VKORC1L1: variants seen among roughly 807,000 people sequenced by gnomAD.
The protein encoded by VKORC1L1 is vitamin K epoxide reductase complex subunit 1L1.
Under a neutral mutation model 18.9 loss-of-function variants are expected in VKORC1L1, and 2 were observed. That is an observed-to-expected ratio of 0.11 (90% confidence interval 0.04 to 0.33). The LOEUF (loss-of-function observed/expected upper bound fraction) is 0.33, where lower values mean the gene tolerates loss of function less well. VKORC1L1 is among the 10% of genes least tolerant of loss of function. The pLI is 1.00. For missense variants in VKORC1L1, 123 were observed against 224.1 expected (o/e 0.55, Z 2.88); for synonymous variants, 96 against 100.0 (o/e 0.96, Z 0.24).
intron 1 of VKORC1L1, among the ~76,000 whole-genome samples, chr7:65,891,065 ACT>A (rs1054315816): frequency 1.4e-5 from 2 of 144,254 alleles, no homozygotes; most frequent in South Asian, 2.1e-4. Flanking sequence ...GACAGTAAGG[ACT>A]CTGCTGTGTC....
At chr7:65,896,834 A>C (rs1244655057) in intron 1 of VKORC1L1, among the ~76,000 whole-genome samples, 1 of 152,120 alleles carries the variant, frequency 6.6e-6, no homozygotes, top group African/African-American at 2.4e-5. Flanking sequence ...AACTGTCTCT[A>C]TTAAAAATAC....
At chr7:65,930,326 G>C (rs1043417019) in intron 1 of VKORC1L1, among the ~76,000 whole-genome samples, 5 of 152,222 alleles carry the variant, frequency 3.3e-5, no homozygotes, top group African/African-American at 1.2e-4. Context: ...TAGAGTGGAA[G>C]AAAGAAAAGA....
intron 1 of VKORC1L1, among the ~76,000 whole-genome samples, chr7:65,881,884 A>C (rs6971490): frequency 0.32 from 48,573 of 151,772 alleles, 8,795 homozygotes; most frequent in East Asian, 0.46. Context: ...GTTCAAGACC[A>C]GCTTGGCCAA....
chr7:65,901,788 A>G (rs1430057080), intron 1 of VKORC1L1, among the ~76,000 whole-genome samples: 1 of 152,150 alleles, frequency 6.6e-6, no homozygotes, highest in Non-Finnish European at 1.5e-5. Flanking sequence ...GTCCTGATCT[A>G]CAGGTGCATG....
At chr7:65,885,257 C>T (rs1321968760) in intron 1 of VKORC1L1, among the ~76,000 whole-genome samples, 1 of 151,884 alleles carries the variant, frequency 6.6e-6, no homozygotes, top group African/African-American at 2.4e-5. Flanking sequence ...ATCTTTTCTT[C>T]TTATTGCTTT....
At chr7:65,922,243 A>G (rs893475257) in intron 1 of VKORC1L1, among the ~76,000 whole-genome samples, 7 of 147,000 alleles carry the variant, frequency 4.8e-5, no homozygotes, top group East Asian at 2.0e-4. Context: ...TTCCCCCTCT[A>G]TCTTTGCAGT....
At chr7:65,904,862 A>G (rs1265672171) in intron 1 of VKORC1L1, among the ~76,000 whole-genome samples, 1 of 152,148 alleles carries the variant, frequency 6.6e-6, no homozygotes, top group Non-Finnish European at 1.5e-5. Context: ...ACCATCATTA[A>G]GTGTACTTCT....
intron 1 of VKORC1L1, among the ~76,000 whole-genome samples, chr7:65,888,963 C>G (rs1789061390): frequency 6.6e-6 from 1 of 152,138 alleles, no homozygotes; most frequent in Non-Finnish European, 1.5e-5. Context: ...TACCCATAAT[C>G]CATGTCCTCC....
intron 1 of VKORC1L1, among the ~76,000 whole-genome samples, chr7:65,942,324 A>G (rs1482818847): frequency 6.6e-6 from 1 of 151,428 alleles, no homozygotes; most frequent in Non-Finnish European, 1.5e-5. Flanking sequence ...CATCTCTACT[A>G]AAAATGCCAA....
chr7:65,951,582 AAAT>A (rs1405672454), intron 2 of VKORC1L1, among the ~76,000 whole-genome samples: 1 of 151,514 alleles, frequency 6.6e-6, no homozygotes. Context: ...AGGAAAAAAA[AAAT>A]ATATATATAT....
chr7:65,911,117 G>A (rs1392534004), intron 1 of VKORC1L1, among the ~76,000 whole-genome samples: 1 of 152,110 alleles, frequency 6.6e-6, no homozygotes, highest in African/African-American at 2.4e-5. Context: ...GCATCTTTTG[G>A]TCTTCATCTC....
intron 1 of VKORC1L1, among the ~76,000 whole-genome samples, chr7:65,936,030 A>T (rs1789936925): frequency 6.6e-6 from 1 of 151,418 alleles, no homozygotes; most frequent in Non-Finnish European, 1.5e-5. Flanking sequence ...ATTTCTGTTA[A>T]TCTTTCAGCT....
intron 1 of VKORC1L1, among the ~76,000 whole-genome samples, chr7:65,879,381 A>C (rs1788884764): frequency 6.6e-6 from 1 of 152,178 alleles, no homozygotes; most frequent in South Asian, 2.1e-4. Context: ...GAGAAATATC[A>C]CAAGGAAGTG....
chr7:65,939,475 G>C (rs1026254925), intron 1 of VKORC1L1, among the ~76,000 whole-genome samples: 1 of 152,194 alleles, frequency 6.6e-6, no homozygotes, highest in African/African-American at 2.4e-5. Context: ...TTTGGATGTG[G>C]TGGAAGTGAC....
chr7:65,900,822 A>C (rs1460210954), intron 1 of VKORC1L1, among the ~76,000 whole-genome samples: 1 of 152,152 alleles, frequency 6.6e-6, no homozygotes, highest in Non-Finnish European at 1.5e-5. Context: ...AATAAAAATA[A>C]TAATAATAGA....
chr7:65,931,176 TGTG>T (rs1354698996), intron 1 of VKORC1L1, among the ~76,000 whole-genome samples: 3 of 152,116 alleles, frequency 2.0e-5, no homozygotes, highest in South Asian at 2.1e-4. Flanking sequence ...GATATTGGTC[TGTG>T]GTGGTTTTTT....
intron 1 of VKORC1L1, among the ~76,000 whole-genome samples, chr7:65,944,126 G>C (rs994173159): frequency 6.6e-6 from 1 of 151,950 alleles, no homozygotes; most frequent in Non-Finnish European, 1.5e-5. Context: ...CCAGCTACTT[G>C]GGAGGCTGAG....
the VKORC1L1 span, among the ~76,000 whole-genome samples, chr7:65,867,307 G>C: frequency 2.0e-5 from 3 of 152,114 alleles, no homozygotes; most frequent in African/African-American, 7.2e-5. Context: ...GGGTCTATGG[G>C]GAAAATATTG....
intron 1 of VKORC1L1, among the ~76,000 whole-genome samples, chr7:65,902,215 A>G (rs1384921839): frequency 2.0e-5 from 3 of 152,222 alleles, no homozygotes; most frequent in Non-Finnish European, 4.4e-5. Flanking sequence ...GACAGAGATG[A>G]TGGAATTAAC....
Sources: gnomAD v4.1 joint callset for allele counts (sites outside exome capture counted in the v4.1 genomes callset) on GRCh38, gnomAD v4.1.1 for gene constraint, MANE v1.5 for transcripts, NCBI Gene and HGNC (gene_info 2026-07-23, HGNC 2026-07-21) for gene names.